Variants in TSBP1 observed in about 807,000 individuals in gnomAD.
TSBP1 encodes the protein testis expressed basic protein 1.
A neutral mutation model predicts 68.8 loss-of-function variants in TSBP1; 56 were observed. The observed-to-expected ratio is 0.81, with a 90% CI of 0.66 to 1.02. The LOEUF (loss-of-function observed/expected upper bound fraction) is 1.02. Among genes scored for constraint, TSBP1 ranks in the 50% least tolerant of loss-of-function variants. The pLI is 0.00. For missense variants in TSBP1, 502 were observed against 641.2 expected, an observed-to-expected ratio of 0.78 and a Z score of 2.34; for synonymous variants, 171 against 208.7, an observed-to-expected ratio of 0.82 and a Z score of 1.56.
intron 19 of TSBP1, among the ~76,000 whole-genome samples, chr6:32,313,003 T>C (rs1273931249): frequency 2.6e-5 from 4 of 152,214 alleles, no homozygotes; most frequent in African/African-American, 7.2e-5. Context: ...CTTCAGTTAC[T>C]TCTCATGATG....
chr6:32,317,056 G>A (rs1034061855), intron 18 of TSBP1, among the ~76,000 whole-genome samples: 29 of 152,230 alleles, frequency 1.9e-4, no homozygotes, highest in African/African-American at 6.7e-4. Context: ...GAAAATTATG[G>A]TATGCTACCA....
In TSBP1 at chr6:32,331,904, T is replaced by C. The variant is rs1769065419; in HGVS notation, c.493+130A>G. 9.5e-6 allele frequency: 7 copies of C among 735,860 alleles called. No homozygotes were observed. The East Asian group carries it at 1.8e-4, about 19-fold the overall frequency. 45.6% of individuals were successfully genotyped at this position (735,860 alleles called of 1,614,324 possible). A position where few individuals can be genotyped will look rare whatever the true frequency, so the allele number is the denominator to read the frequency against. On this transcript the variant is annotated intron_variant, in intron 15 of 22. Transcript: ENST00000612031. Reference sequence around the variant, plus strand: ...CCTCCAAAACCTAACAGTTACGATATGGGGAAATGAAAGTCTAAGAAATAT... The same window carrying C: ...CCTCCAAAACCTAACAGTTACGATACGGGGAAATGAAAGTCTAAGAAATAT...
In TSBP1 at chr6:32,302,569, T is replaced by C. The variant is rs758529116; in HGVS notation, c.601+40A>G. The C allele has an allele frequency of 3.6e-6, 5 of 1,378,424 alleles. No homozygotes were observed. The South Asian group carries it at 6.1e-5, about 17-fold the overall frequency. The allele number at this position is 1,378,424 out of a possible 1,614,324, so 85.4% of individuals were successfully genotyped here. A position where few individuals can be genotyped will look rare whatever the true frequency, so the allele number is the denominator to read the frequency against. On this transcript the variant is annotated intron_variant, in intron 20 of 22. Coordinates refer to ENST00000612031, the Ensembl canonical transcript of TSBP1. This position sits in a 1 kb window ranked among gnomAD's most constrained non-coding sequence, Gnocchi z 5.1. ...AGAAAAAATTTGCTCACCCCAGCCC[T>C]ACAAGAAACTAATGTAATAAAAATA...
At chr6:32,322,346 G>A (rs958309650) in intron 18 of TSBP1, 140 bp downstream of exon 20, 4 of 647,932 alleles carry the variant, frequency 6.2e-6, no homozygotes, top group African/African-American at 5.4e-5. Context: ...AATCAAAAAG[G>A]TTGACTTGCA....
intron 22 of TSBP1, among the ~76,000 whole-genome samples, chr6:32,295,846 T>C (rs539390396): frequency 0.014 from 2,077 of 149,430 alleles, 34 homozygotes; most frequent in Admixed American, 0.031. Context: ...AAATTTCTTT[T>C]TTTTTTTTTT....
chr6:32,355,152 A>G lies in TSBP1; in HGVS notation c.239-8T>C. 1 of 1,611,844 alleles carries G rather than the reference A, an allele frequency of 6.2e-7. No homozygotes were observed. ...GAGAGTTGGTTGATGGTGCTAAAAT[A>G]CACACACAGAAAACATGAGGTGAAT... On this transcript the variant is annotated splice_polypyrimidine_tract_variant and splice_region_variant and intron_variant, in intron 7 of 22. Transcript: ENST00000612031.
chr6:32,303,314 GT>G (rs9279565), intron 19 of TSBP1, among the ~76,000 whole-genome samples: 31,429 of 146,548 alleles, frequency 0.21, 3,453 homozygotes, highest in East Asian at 0.23. Flanking sequence ...TCTAGTACGT[GT>G]TTTTTTTTTT....
At chr6:32,353,392 T>C (rs114928941) in intron 8 of TSBP1, among the ~76,000 whole-genome samples, 1 of 151,912 alleles carries the variant, frequency 6.6e-6, no homozygotes. Flanking sequence ...GCAAAAGACA[T>C]GCAAGACCTT....
chr6:32,366,409 A>G (rs766384157), intron 4 of TSBP1, 107 bp from the exon 5 acceptor site: 10 of 1,056,670 alleles, frequency 9.5e-6, no homozygotes, highest in Non-Finnish European at 1.5e-5. Flanking sequence ...TAGATCTCTG[A>G]GAAGAAAAAT....
In TSBP1 at chr6:32,345,247, G is replaced by A. The variant is rs13198176; in HGVS notation, c.349+4493C>T. On this transcript the variant is annotated intron_variant, in intron 9 of 22. Coordinates refer to ENST00000612031, the Ensembl canonical transcript of TSBP1. ...ATTAAACTTTCCTTAGTTTCCCTATGTGCTCCCTTCTTATTATCTGTTTGC... is the reference window on the plus strand; with the variant it reads ...ATTAAACTTTCCTTAGTTTCCCTATATGCTCCCTTCTTATTATCTGTTTGC... 3.4e-5 allele frequency among the ~76,000 whole-genome samples: 5 copies of A among 146,278 alleles called. No homozygotes were observed. In the South Asian group the frequency reaches 1.1e-3, roughly 32 times the overall value.
chr6:32,299,837 C>G, intron 22 of TSBP1, 85 bp downstream of exon 25: 1 of 1,120,702 alleles, frequency 8.9e-7, no homozygotes, highest in Non-Finnish European at 1.4e-6. Context: ...GCACAGGCCT[C>G]TATTTTGGGA....
intron 4 of TSBP1, among the ~76,000 whole-genome samples, chr6:32,367,293 TC>T (rs1446977397): frequency 2.0e-4 from 27 of 138,056 alleles, no homozygotes; most frequent in African/African-American, 6.9e-4. Flanking sequence ...CGAGGGAACA[TC>T]TATAGGCAGC....
At position 32,338,800 on chromosome 6, in the gene TSBP1, T is replaced by C. The variant is rs1168887249; in HGVS notation, c.409+179A>G. Among the ~76,000 whole-genome samples, 6 of 152,178 alleles carry C rather than the reference T, an allele frequency of 3.9e-5. No homozygotes were observed. Among genetic ancestry groups the C allele is most frequent in the African/African-American group, 7.2e-5 (3 of 41,438 alleles). The stretch of plus-strand genomic sequence containing the variant: ...AAGATTTCGGAAAAGTTAAAGGCAA[T>C]AGTACTTTCTTACAGAGGCACCCCA... On this transcript the variant is annotated intron_variant, in intron 11 of 22. Transcript: ENST00000612031. The surrounding 1 kb of genome is among the most constrained non-coding windows in gnomAD (Gnocchi z 5.5).
intron 16 of TSBP1, among the ~76,000 whole-genome samples, chr6:32,328,484 C>T (rs1309329213): frequency 1.3e-5 from 2 of 150,998 alleles, no homozygotes; most frequent in Non-Finnish European, 3.0e-5. Context: ...GGTGAGATCT[C>T]GGCTCACTGC....
intron 14 of TSBP1, among the ~76,000 whole-genome samples, chr6:32,332,786 T>A (rs28366181): frequency 0.063 from 9,612 of 151,960 alleles, 401 homozygotes; most frequent in Admixed American, 0.085. Flanking sequence ...ATTAAAAAAA[T>A]TTTTGTAGAG....
chr6:32,349,911 T>C, intron 8 of TSBP1, 151 bp from the exon 9 acceptor site: 1 of 855,886 alleles, frequency 1.2e-6, no homozygotes, highest in Non-Finnish European at 2.0e-6. Context: ...TGCAATGTGG[T>C]GAGCAGCTGG....
chr6:32,355,268 C>A, intron 7 of TSBP1, 124 bp from the exon 8 acceptor site: 1 of 933,032 alleles, frequency 1.1e-6, no homozygotes, highest in Non-Finnish European at 1.7e-6. Context: ...CGGGAGTCAT[C>A]ACTGATCTGG....
At chr6:32,312,635 T>A (rs1766519059) in intron 19 of TSBP1, among the ~76,000 whole-genome samples, 7 of 152,146 alleles carry the variant, frequency 4.6e-5, no homozygotes, top group Admixed American at 4.6e-4. Context: ...CACAATAGCA[T>A]CCTATAAATC....
At chr6:32,296,402 C>T (rs9268153) in intron 22 of TSBP1, among the ~76,000 whole-genome samples, 20,037 of 152,072 alleles carry the variant, frequency 0.13, 1,510 homozygotes, top group Non-Finnish European at 0.17. Flanking sequence ...GTTTTCTGAA[C>T]CTTTTTGTAT....
Sources: allele counts gnomAD v4.1 joint callset (sites outside exome capture counted in the v4.1 genomes callset), GRCh38; gene constraint gnomAD v4.1.1; non-coding constraint Gnocchi (gnomAD v3.1); transcripts MANE v1.5; gene names NCBI Gene and HGNC (gene_info 2026-07-23, HGNC 2026-07-21).